Variants in NRXN3 observed in about 807,000 individuals in gnomAD.
The protein encoded by NRXN3 is neurexin 3.
In NRXN3, 32 loss-of-function variants were observed where a neutral mutation model predicts 137.6. That is an observed-to-expected ratio of 0.23 (90% CI 0.18 to 0.31). NRXN3 has a LOEUF of 0.31. Ranked by LOEUF, NRXN3 falls within the 10% of genes least tolerant of loss-of-function variation. NRXN3 has a pLI of 1.00. For missense variants in NRXN3, 1,574 were observed against 2,062.5 expected (o/e 0.76, Z 4.59); for synonymous variants, 798 against 784.5 (o/e 1.02, Z -0.29).
At chr14:79,361,004 G>A (rs1037603130) in intron 15 of NRXN3, among the ~76,000 whole-genome samples, 13 of 152,324 alleles carry the variant, frequency 8.5e-5, no homozygotes, top group African/African-American at 2.9e-4. Context: ...TTAAATATGA[G>A]TGAGGAAGAG....
At chr14:78,525,045 A>T (rs1327883007) in intron 4 of NRXN3, among the ~76,000 whole-genome samples, 1 of 152,122 alleles carries the variant, frequency 6.6e-6, no homozygotes, top group Non-Finnish European at 1.5e-5. Context: ...TGACAATCCT[A>T]TGTTTGCTAG....
chr14:78,226,185 A>T (rs142417300), intron 1 of NRXN3, among the ~76,000 whole-genome samples: 2,424 of 152,168 alleles, frequency 0.016, 69 homozygotes, highest in African/African-American at 0.056. Context: ...TTGTATTTTT[A>T]GTAGAGATGT....
chr14:78,445,530 A>T lies in NRXN3; in HGVS notation c.757+147670A>T, dbSNP rs578053245. Among the ~76,000 whole-genome samples the T allele has an allele frequency of 7.9e-5, 12 of 152,116 alleles. No homozygotes were observed. In the East Asian group the frequency reaches 2.1e-3, roughly 27 times the overall value. ...GTCTCTGTATGTGCACTGGGTGGAG[A>T]AATGAGTGTGGGCATTGTGGTTGCA... is the stretch of plus-strand genomic sequence containing the variant. On this transcript the variant is annotated intron_variant, in intron 4 of 20. Coordinates refer to ENST00000335750, the MANE Select transcript of NRXN3 (RefSeq NM_001330195.2).
chr14:78,519,429 C>A (rs756763705), intron 4 of NRXN3, among the ~76,000 whole-genome samples: 1 of 152,036 alleles, frequency 6.6e-6, no homozygotes, highest in Non-Finnish European at 1.5e-5. Context: ...ACATTCTCTG[C>A]GTGTTTATTT....
chr14:78,537,264 A>G (rs1350625922), intron 4 of NRXN3, among the ~76,000 whole-genome samples: 1 of 152,168 alleles, frequency 6.6e-6, no homozygotes, highest in African/African-American at 2.4e-5. Context: ...CCTCTCCAGC[A>G]TCTTTTGTTT....
At chr14:79,562,664 C>A (rs2097510343) in intron 16 of NRXN3, among the ~76,000 whole-genome samples, 1 of 152,168 alleles carries the variant, frequency 6.6e-6, no homozygotes, top group Non-Finnish European at 1.5e-5. Flanking sequence ...AAATATCATA[C>A]AAATTTGGAT....
chr14:79,483,445 T>G (rs1005669161), intron 16 of NRXN3, among the ~76,000 whole-genome samples: 1 of 152,218 alleles, frequency 6.6e-6, no homozygotes, highest in Non-Finnish European at 1.5e-5. Context: ...GTCCCAGCAC[T>G]TTGGGAGGCC....
chr14:79,552,113 A>C (rs1211855548), intron 16 of NRXN3, among the ~76,000 whole-genome samples: 1 of 152,198 alleles, frequency 6.6e-6, no homozygotes, highest in Non-Finnish European at 1.5e-5. Context: ...TGTATTTACA[A>C]ATACACATTG....
chr14:79,614,516 C>T (rs170254), intron 16 of NRXN3, among the ~76,000 whole-genome samples: 1,779 of 152,204 alleles, frequency 0.012, 41 homozygotes, highest in African/African-American at 0.04. Context: ...GATCTACCGC[C>T]GAATATAGAT....
At position 79,085,560 on chromosome 14, in the gene NRXN3, T is replaced by A. The variant is rs1219781391; in HGVS notation, c.3262+97419T>A. On this transcript the variant is annotated intron_variant, in intron 15 of 20. Transcript: ENST00000335750. The stretch of plus-strand genomic sequence containing the variant: ...TTCTTCAAAAAGGAAAAATCAAACT[T>A]ACCTCCTAGATATAAATCAATAATT... Among the ~76,000 whole-genome samples the A allele has an allele frequency of 3.9e-5, 6 of 152,132 alleles. No homozygotes were observed. The East Asian group carries it at 9.6e-4, about 24-fold the overall frequency.
At chr14:79,272,378 G>A (rs1270943864) in intron 15 of NRXN3, among the ~76,000 whole-genome samples, 1 of 152,004 alleles carries the variant, frequency 6.6e-6, no homozygotes, top group East Asian at 1.9e-4. Context: ...GAAGGACAGG[G>A]GCTGCGGTTT....
intron 1 of NRXN3, among the ~76,000 whole-genome samples, chr14:78,219,728 G>A (rs1280464188): frequency 1.3e-5 from 2 of 152,182 alleles, no homozygotes; most frequent in South Asian, 4.1e-4. Flanking sequence ...TTTCCTATTG[G>A]CAGAAAGGAG....
At chr14:79,428,468 A>T (rs1050114552) in intron 15 of NRXN3, among the ~76,000 whole-genome samples, 2 of 152,164 alleles carry the variant, frequency 1.3e-5, no homozygotes, top group Non-Finnish European at 2.9e-5. Context: ...TATATACAGG[A>T]TGAACTCGGT....
chr14:79,358,607 G>GAAAGAGAAAGAAAGAAAGAAGGAA, intron 15 of NRXN3, among the ~76,000 whole-genome samples: 1 of 79,944 alleles, frequency 1.3e-5, no homozygotes, highest in Non-Finnish European at 2.6e-5. Flanking sequence ...AAGAAAGAAA[G>GAAAGAGAAAGAAAGAAAGAAGGAA]AGAAAGAAAG....
intron 10 of NRXN3, among the ~76,000 whole-genome samples, chr14:78,841,529 T>A (rs2152444946): frequency 6.6e-6 from 1 of 152,194 alleles, no homozygotes; most frequent in African/African-American, 2.4e-5. Context: ...AAAACTCAGA[T>A]ACTTTTCTCA....
At chr14:78,867,319 A>G (rs1242767594) in intron 10 of NRXN3, among the ~76,000 whole-genome samples, 1 of 152,198 alleles carries the variant, frequency 6.6e-6, no homozygotes, top group African/African-American at 2.4e-5. Flanking sequence ...GCCTCAGTTT[A>G]GCCATTAATT....
At chr14:78,262,874 T>C (rs1050385339) in intron 2 of NRXN3, among the ~76,000 whole-genome samples, 1 of 152,222 alleles carries the variant, frequency 6.6e-6, no homozygotes, top group Non-Finnish European at 1.5e-5. Context: ...TTTCGGGCAC[T>C]GTGAATAGCT....
intron 2 of NRXN3, among the ~76,000 whole-genome samples, chr14:78,271,209 T>G (rs2072673492): frequency 6.6e-6 from 1 of 152,244 alleles, no homozygotes; most frequent in African/African-American, 2.4e-5. Flanking sequence ...GTGTCACTGA[T>G]GAAGTTTATA....
intron 4 of NRXN3, among the ~76,000 whole-genome samples, chr14:78,601,395 G>A (rs1397636206): frequency 1.3e-5 from 2 of 151,822 alleles, no homozygotes; most frequent in Admixed American, 1.3e-4. Context: ...ATGATGGCGA[G>A]CTTATGAGGG....
Sources: gnomAD v4.1 joint callset for allele counts (sites outside exome capture counted in the v4.1 genomes callset) on GRCh38, gnomAD v4.1.1 for gene constraint, MANE v1.5 for transcripts, NCBI Gene and HGNC (gene_info 2026-07-23, HGNC 2026-07-21) for gene names.